Variants in PTPRK observed in about 807,000 individuals in gnomAD.
The protein encoded by PTPRK is receptor-type tyrosine-protein phosphatase kappa.
In PTPRK, 75 loss-of-function variants were observed where a neutral mutation model predicts 178.0. The observed-to-expected ratio is 0.42, with a 90% confidence interval of 0.35 to 0.51. PTPRK has a LOEUF of 0.51. Ranked by LOEUF, PTPRK falls within the 20% of genes least tolerant of loss-of-function variation. The pLI, the probability that PTPRK is intolerant of heterozygous loss-of-function variation, is 0.02. For synonymous variants in PTPRK, 637 were observed against 620.6 expected, an observed-to-expected ratio of 1.03 and a Z score of -0.39; for missense variants, 1,441 against 1,797.8, an observed-to-expected ratio of 0.80 and a Z score of 3.59.
At chr6:128,151,746 C>T (rs1797281801) in intron 7 of PTPRK, among the ~76,000 whole-genome samples, 1 of 151,640 alleles carries the variant, frequency 6.6e-6, no homozygotes, top group South Asian at 2.1e-4. Context: ...TTACAAACTT[C>T]TAAAAAAGAA....
rs1422348948 is a variant in PTPRK, at chr6:128,520,414, C to A, written c.-56G>T. 3 of 1,524,206 alleles carry A rather than the reference C, an allele frequency of 2.0e-6. No individual in the cohort carries two copies. Among genetic ancestry groups the A allele is most frequent in the South Asian group, 1.2e-5 (1 of 83,744 alleles). The allele number at this position is 1,524,206 out of a possible 1,614,324, so 94.4% of individuals were successfully genotyped here. A position where few individuals can be genotyped will look rare whatever the true frequency, so the allele number is the denominator to read the frequency against. On this transcript the variant is annotated 5_prime_UTR_variant, in exon 1 of 30. Coordinates refer to ENST00000368226, the MANE Select transcript of PTPRK (RefSeq NM_002844.4). ...TGCAAAGAGCTGCCGGGGGGATCGCCGCGAAATCCACGACGGAGGAGCGGG... is the reference window on the plus strand; with the variant it reads ...TGCAAAGAGCTGCCGGGGGGATCGCAGCGAAATCCACGACGGAGGAGCGGG...
chr6:128,298,756 C>G (rs1453242833), intron 3 of PTPRK, among the ~76,000 whole-genome samples: 3 of 152,160 alleles, frequency 2.0e-5, no homozygotes, highest in East Asian at 1.9e-4. Context: ...AACCCACAGC[C>G]AATATCATAC....
Position 128,371,385 on chromosome 6 carries a change from T to C in PTPRK, c.223+26181A>G, listed in dbSNP as rs142759282. Reference sequence around the variant, plus strand: ...TGTTAGCATATGATAATTTTACGTATTCTCATAAAAAGGTTTAATGCAATC... The same window carrying C: ...TGTTAGCATATGATAATTTTACGTACTCTCATAAAAAGGTTTAATGCAATC... On this transcript the variant is annotated intron_variant, in intron 2 of 29. Transcript: ENST00000368226. Among the ~76,000 whole-genome samples, 143 of 152,322 alleles carry C rather than the reference T, an allele frequency of 9.4e-4. 1 individual carries two copies. Among genetic ancestry groups the C allele is most frequent in the African/African-American group, 3.3e-3 (139 of 41,582 alleles).
chr6:128,172,930 G>A (rs1305272365), intron 7 of PTPRK, among the ~76,000 whole-genome samples: 3 of 151,894 alleles, frequency 2.0e-5, no homozygotes, highest in Non-Finnish European at 2.9e-5. Context: ...TCCTTCTCCT[G>A]TCATCCTGTG....
At chr6:128,369,139 T>TTATCCTGAAAGTACTTTTATACACTGA (rs11275324) in intron 2 of PTPRK, among the ~76,000 whole-genome samples, 4 of 151,806 alleles carry the variant, frequency 2.6e-5, no homozygotes, top group Non-Finnish European at 4.4e-5. Context: ...GGGAAAGAGG[T>TTATCCTGAAAGTACTTTTATACACTGA]TATTTCCCCA....
rs1165561241 is a variant in PTPRK, at chr6:128,089,840, T to C, written c.1315A>G (p.Lys439Glu). 2 of 1,614,040 alleles carry C rather than the reference T, an allele frequency of 1.2e-6. No homozygotes were observed. The highest frequency in any genetic ancestry group is 2.2e-5 in the East Asian group (1 of 44,888). The part of the protein sequence containing the change: ...YHYFRGHNES[K>E]ADCLDMDPKA... The stretch of plus-strand genomic sequence containing the variant: ...GGGTCCATGTCCAAACAGTCTGCCT[T>C]GCTCTCGTTGTGACCACGGAAGTAA... Residue 439 changes from lysine (K) to glutamate (E), a missense_variant, in exon 8 of 30, where the codon AAG (lysine) becomes GAG (glutamate). Around this residue, in one of 4 missense-constraint regions of PTPRK, gnomAD observed 945 missense variants for 1,080.6 expected, o/e 0.87. Coordinates refer to ENST00000368226, the MANE Select transcript of PTPRK (RefSeq NM_002844.4).
chr6:128,397,868 A>G lies in PTPRK; in HGVS notation c.101-180T>C, dbSNP rs750150533. 7.6e-4 allele frequency among the ~76,000 whole-genome samples: 116 copies of G among 152,230 alleles called. 2 individuals are homozygous for G. The highest frequency in any genetic ancestry group is 5.4e-3 in the Admixed American group (83 of 15,280). Reference sequence around the variant, plus strand: ...CACAGAAAAATAAATGTCTATCAGTACTTTCTGTTTGAAAAAGAAGCCCAT... The same window carrying G: ...CACAGAAAAATAAATGTCTATCAGTGCTTTCTGTTTGAAAAAGAAGCCCAT... On this transcript the variant is annotated intron_variant, in intron 1 of 29. Transcript: ENST00000368226.
intron 7 of PTPRK, among the ~76,000 whole-genome samples, chr6:128,098,085 G>A (rs1400640691): frequency 1.3e-5 from 2 of 152,062 alleles, no homozygotes; most frequent in Non-Finnish European, 2.9e-5. Flanking sequence ...TATTTTGCAT[G>A]CCAAGTACAG....
intron 2 of PTPRK, among the ~76,000 whole-genome samples, chr6:128,397,134 G>T (rs1489512129): frequency 6.6e-6 from 1 of 152,146 alleles, no homozygotes; most frequent in Non-Finnish European, 1.5e-5. Flanking sequence ...ACCACTGGGA[G>T]AAAGACACAA....
chr6:128,501,914 C>T (rs71568906), intron 1 of PTPRK, among the ~76,000 whole-genome samples: 10,774 of 152,216 alleles, frequency 0.071, 777 homozygotes, highest in African/African-American at 0.19. Context: ...ATTTCACATA[C>T]ATACACCCAA....
chr6:127,995,723 T>C (rs1287669675), intron 17 of PTPRK, among the ~76,000 whole-genome samples, 185 bp from the exon 18 acceptor site: 1 of 152,074 alleles, frequency 6.6e-6, no homozygotes, highest in Admixed American at 6.6e-5. Context: ...TATAATATTG[T>C]GTGACTTAAG....
At chr6:128,437,828 G>A (rs1237416836) in intron 1 of PTPRK, among the ~76,000 whole-genome samples, 2 of 151,670 alleles carry the variant, frequency 1.3e-5, no homozygotes, top group Non-Finnish European at 2.9e-5. Flanking sequence ...TGAATATGTG[G>A]AATTGAAACA....
chr6:127,988,752 T>G (rs1305497187), intron 21 of PTPRK, among the ~76,000 whole-genome samples: 1 of 152,050 alleles, frequency 6.6e-6, no homozygotes, highest in South Asian at 2.1e-4. Context: ...TTAGAATTAA[T>G]AGTGGTTTAA....
At chr6:128,019,433 T>C (rs921165833) in intron 13 of PTPRK, among the ~76,000 whole-genome samples, 60 of 152,074 alleles carry the variant, frequency 3.9e-4, no homozygotes, top group African/African-American at 1.2e-3. Flanking sequence ...TACACATAAA[T>C]TGGCAGTCAG....
chr6:128,178,531 T>C (rs1801433282), intron 7 of PTPRK, among the ~76,000 whole-genome samples: 1 of 151,956 alleles, frequency 6.6e-6, no homozygotes, highest in African/African-American at 2.4e-5. Context: ...GTTATTCACT[T>C]ATAACATATC....
rs1020403226 is a variant in PTPRK, at chr6:128,254,400, AC to A, written c.496-11799del. ...TTTACGAAGAGATGTAACAAACAAT[AC>A]GTTTGACAGTCAGGTTCAACAGGAG... On this transcript the variant is annotated intron_variant, in intron 3 of 29. Transcript: ENST00000368226. Among the ~76,000 whole-genome samples the A allele has an allele frequency of 1.3e-5, 2 of 152,162 alleles. 1 individual carries two copies. The highest frequency in any genetic ancestry group is 6.3e-3 in the Middle Eastern group (2 of 316).
chr6:128,216,586 A>G (rs1264575235), intron 6 of PTPRK, among the ~76,000 whole-genome samples: 5 of 151,876 alleles, frequency 3.3e-5, no homozygotes, highest in Non-Finnish European at 2.9e-5. Context: ...AAATTTAAGG[A>G]TCCTCTTTCT....
intron 1 of PTPRK, among the ~76,000 whole-genome samples, chr6:128,457,047 A>G (rs1848487922): frequency 6.6e-6 from 1 of 152,092 alleles, no homozygotes; most frequent in South Asian, 2.1e-4. Flanking sequence ...GTTGCCATGG[A>G]AATAATTGAG....
chr6:128,320,021 A>G (rs1017496836), intron 3 of PTPRK, among the ~76,000 whole-genome samples: 35 of 152,198 alleles, frequency 2.3e-4, no homozygotes, highest in Non-Finnish European at 4.4e-5. Context: ...CTCAAATTTT[A>G]ATCTGCAACA....
Sources: allele counts gnomAD v4.1 joint callset (sites outside exome capture counted in the v4.1 genomes callset), GRCh38; gene constraint gnomAD v4.1.1; regional missense constraint gnomAD v4.1.1; transcripts MANE v1.5; gene names NCBI Gene and HGNC (gene_info 2026-07-23, HGNC 2026-07-21).